The following PCDHA3 variants were observed in gnomAD, a reference collection of about 807,000 sequenced individuals.
The protein encoded by PCDHA3 is protocadherin alpha-3.
Under a neutral mutation model 62.2 loss-of-function variants are expected in PCDHA3, and 41 were observed. The ratio of observed to expected loss-of-function variants is 0.66; its 90% CI spans 0.51 to 0.86. PCDHA3 has a LOEUF of 0.86. Among genes scored for constraint, PCDHA3 ranks in the 40% least tolerant of loss-of-function variants. The pLI is 0.00. For synonymous variants in PCDHA3, 640 were observed against 555.4 expected, an observed-to-expected ratio of 1.15 and a Z score of -2.14; for missense variants, 1,304 against 1,241.2, an observed-to-expected ratio of 1.05 and a Z score of -0.76.
chr5:140,842,051 CAGTCTGAATACGAA>C (rs1777673706), intron 1 of PCDHA3: 1 of 1,613,852 alleles, frequency 6.2e-7, no homozygotes, highest in African/African-American at 1.3e-5. Context: ...CACTTTCGAA[CAGTCTGAATACGAA>C]GTAAGAATAT....
At chr5:140,917,262 T>C (rs1222739469) in intron 1 of PCDHA3, among the ~76,000 whole-genome samples, 1 of 151,720 alleles carries the variant, frequency 6.6e-6, no homozygotes, top group Middle Eastern at 3.2e-3. Context: ...CACCTGATGT[T>C]TGGTTTTTGT....
At chr5:140,879,084 G>T (rs927310887) in intron 1 of PCDHA3, among the ~76,000 whole-genome samples, 1 of 152,174 alleles carries the variant, frequency 6.6e-6, no homozygotes, top group Non-Finnish European at 1.5e-5. Flanking sequence ...AGATAAGTAG[G>T]AACAACTGCA....
intron 1 of PCDHA3, chr5:140,807,310 C>T (rs1554123873): frequency 8.7e-6 from 14 of 1,613,996 alleles, no homozygotes; most frequent in South Asian, 2.2e-5. Flanking sequence ...AGGCCAAACA[C>T]GGCACCTTCG....
At chr5:140,967,919 G>A (rs1554230110) in intron 1 of PCDHA3, 1 of 1,614,212 alleles carries the variant, frequency 6.2e-7, no homozygotes, top group South Asian at 1.1e-5. Flanking sequence ...CACCATTGTG[G>A]CCGTTCTCAG....
At chr5:141,008,961 A>G (rs2098395078) in intron 3 of PCDHA3, among the ~76,000 whole-genome samples, 1 of 152,214 alleles carries the variant, frequency 6.6e-6, no homozygotes, top group Non-Finnish European at 1.5e-5. Context: ...ACATCCTAAT[A>G]CATTTATAGC....
chr5:140,848,498 G>A, intron 1 of PCDHA3: 1 of 1,584,262 alleles, frequency 6.3e-7, no homozygotes. Context: ...TATTTGAAAT[G>A]TTATACTCAA....
At chr5:140,873,449 T>G (rs565390619) in intron 1 of PCDHA3, among the ~76,000 whole-genome samples, 1 of 152,310 alleles carries the variant, frequency 6.6e-6, no homozygotes, top group Non-Finnish European at 1.5e-5. Flanking sequence ...AATAACAAAT[T>G]TGCATTTTAG....
At chr5:140,925,383 T>C (rs1554202722) in intron 1 of PCDHA3, among the ~76,000 whole-genome samples, 2 of 152,140 alleles carry the variant, frequency 1.3e-5, no homozygotes, top group African/African-American at 2.4e-5. Flanking sequence ...TCAATGAGTC[T>C]CCTTTTGGCT....
chr5:140,876,976 C>G lies in PCDHA3; in HGVS notation c.2394+73385C>G, dbSNP rs782283591. 6 of 1,612,586 alleles carry G rather than the reference C, an allele frequency of 3.7e-6. No homozygotes were observed. In the Admixed American group the frequency reaches 5.0e-5, roughly 13 times the overall value. ...GCTGGTGGAGCGGCGGGTGGGCGAG[C>G]ACGCACTGTCGAGCTACGTGTCGGT... On this transcript the variant is annotated intron_variant, in intron 1 of 3. Transcript: ENST00000522353.
At chr5:140,857,849 G>A (rs782556733) in intron 1 of PCDHA3, 1 of 1,597,964 alleles carries the variant, frequency 6.3e-7, no homozygotes, top group South Asian at 1.1e-5. Flanking sequence ...CGCTGACTCT[G>A]GATACAACGC....
intron 1 of PCDHA3, chr5:140,841,071 T>TAAATTATGATAA (rs1198848273): frequency 1.2e-5 from 6 of 492,312 alleles, no homozygotes; most frequent in Non-Finnish European, 2.1e-5. Context: ...GATAAAGAAA[T>TAAATTATGATAA]AGAAAGTGCA....
At chr5:140,875,691 C>A (rs1554167867) in intron 1 of PCDHA3, 2 of 1,614,036 alleles carry the variant, frequency 1.2e-6, no homozygotes, top group South Asian at 1.1e-5. Flanking sequence ...GACACGGGGA[C>A]CTTCTGGAGG....
chr5:140,980,039 C>T (rs2096874436), intron 2 of PCDHA3, among the ~76,000 whole-genome samples: 1 of 152,184 alleles, frequency 6.6e-6, no homozygotes, highest in South Asian at 2.1e-4. Context: ...ACATTGGGTG[C>T]TATTTCTGAT....
intron 1 of PCDHA3, among the ~76,000 whole-genome samples, chr5:140,889,132 G>C (rs1338926841): frequency 6.6e-6 from 1 of 151,438 alleles, no homozygotes; most frequent in Non-Finnish European, 1.5e-5. Context: ...ATATGTCCTA[G>C]TTTTTCTTCC....
At chr5:140,822,806 A>G (rs2150119518) in intron 1 of PCDHA3, 6 of 1,614,176 alleles carry the variant, frequency 3.7e-6, no homozygotes, top group Non-Finnish European at 5.1e-6. Context: ...GATGTGAATG[A>G]TAATACCCCA....
At position 140,858,127 on chromosome 5, in the gene PCDHA3, T is replaced by C. The variant is rs782220285; in HGVS notation, c.2394+54536T>C. 41 of 1,597,502 alleles carry C rather than the reference T, an allele frequency of 2.6e-5. 1 individual carries two copies. The highest frequency in any genetic ancestry group is 1.7e-4 in the Admixed American group (10 of 59,294). ...TGGCGCCCGAGGTGGCCCTGGTGGATGTCAACGTGTACCTGATCATCGCCA... is the reference window on the plus strand; with the variant it reads ...TGGCGCCCGAGGTGGCCCTGGTGGACGTCAACGTGTACCTGATCATCGCCA... On this transcript the variant is annotated intron_variant, in intron 1 of 3. Coordinates refer to ENST00000522353, the MANE Select transcript of PCDHA3 (RefSeq NM_018906.3).
chr5:140,823,467 G>T, intron 1 of PCDHA3: 1 of 1,613,490 alleles, frequency 6.2e-7, no homozygotes. Flanking sequence ...CGCCGGCGCT[G>T]CTGGTGCCTC....
intron 1 of PCDHA3, chr5:140,822,319 A>C: frequency 6.2e-7 from 1 of 1,614,204 alleles, no homozygotes; most frequent in Non-Finnish European, 8.5e-7. Flanking sequence ...CTTAGATGTT[A>C]AAACAAATGA....
At position 140,987,445 on chromosome 5, in the gene PCDHA3, G is replaced by A. The variant is rs141923390; in HGVS notation, c.2542+4882G>A. Among the ~76,000 whole-genome samples, 799 of 152,220 alleles carry A rather than the reference G, an allele frequency of 5.2e-3. 4 individuals carry two copies. The highest frequency in any genetic ancestry group is 0.018 in the African/African-American group (765 of 41,528). On this transcript the variant is annotated intron_variant, in intron 3 of 3. Transcript: ENST00000522353. ...AAGCAGGGGGCCTTTCCCCATGCCC[G>A]AGAGATAATTGTTAAGAGCTCAAGC...
Sources: gnomAD v4.1 joint callset for allele counts (sites outside exome capture counted in the v4.1 genomes callset) on GRCh38, gnomAD v4.1.1 for gene constraint, MANE v1.5 for transcripts, NCBI Gene and HGNC (gene_info 2026-07-23, HGNC 2026-07-21) for gene names.